Variants in ABCA2 observed in about 807,000 individuals in gnomAD.
ABCA2 encodes the protein ATP binding cassette subfamily A member 2, also known as ATP-binding cassette sub-family A member 2.
In ABCA2, 84 loss-of-function variants were observed where a neutral mutation model predicts 262.8. That is an observed-to-expected ratio of 0.32 (90% CI 0.27 to 0.38). The LOEUF is 0.38. Ranked by LOEUF, ABCA2 falls within the 10% of genes least tolerant of loss-of-function variation. ABCA2 has a pLI of 1.00. For synonymous variants in ABCA2, 1,696 were observed against 1,502.9 expected, an observed-to-expected ratio of 1.13 and a Z score of -2.97; for missense variants, 2,662 against 3,405.9, an observed-to-expected ratio of 0.78 and a Z score of 5.44.
intron 1 of ABCA2, among the ~76,000 whole-genome samples, chr9:137,024,797 CTT>C (rs869249419): frequency 1.2e-3 from 173 of 139,590 alleles, no homozygotes; most frequent in African/African-American, 4.1e-3. Flanking sequence ...GCAAAGGCAC[CTT>C]TTTTTTTTTT....
At position 137,018,272 on chromosome 9, in the gene ABCA2, G is replaced by C. The variant is rs756927825; in HGVS notation, c.1899C>G (p.Thr633=). 6.2e-7 allele frequency: 1 copy of C among 1,610,696 alleles called. No homozygotes were observed. Among genetic ancestry groups the C allele is most frequent in the East Asian group, 2.2e-5 (1 of 44,744 alleles). Residue 633 remains threonine (T), a synonymous_variant, in exon 14 of 49, where the codon ACC becomes ACG. Coordinates refer to ENST00000341511, the MANE Select transcript of ABCA2 (RefSeq NM_001606.5). ...CGCGGCGGATCTCGTTGGTTTTCTC[G>C]GTGAAGCTGGAGTTCTGGCGGATCT... ...HYKIRQNSSF[T]EKTNEIRRAY...
rs768971644 is a variant in ABCA2 at position 137,009,835 on chromosome 9, G to A, written c.6564C>T (p.Ser2188=). 1.7e-5 allele frequency: 27 copies of A among 1,612,294 alleles called. No individual in the cohort carries two copies. Among genetic ancestry groups the A allele is most frequent in the Middle Eastern group, 1.6e-4 (1 of 6,076 alleles). ...KYADKPAGTY[S]GGNKRKLSTA... ...TGGAGAGCTTCCGCTTGTTGCCGCCGCTGTAGGTGCCAGCCGGCTTGTCTG... is the reference window on the plus strand; with the variant it reads ...TGGAGAGCTTCCGCTTGTTGCCGCCACTGTAGGTGCCAGCCGGCTTGTCTG... The change falls in exon 43 of 49, where the codon AGC becomes AGT. Residue 2188 remains serine (S), a synonymous_variant. Coordinates refer to ENST00000341511, the MANE Select transcript of ABCA2 (RefSeq NM_001606.5).
rs1165669857 is a variant in ABCA2 at position 137,009,024 on chromosome 9, C to G, written c.6857G>C (p.Arg2286Pro). 1.2e-6 allele frequency: 2 copies of G among 1,608,734 alleles called. No homozygotes were observed. Among genetic ancestry groups the G allele is most frequent in the Non-Finnish European group, 1.7e-6 (2 of 1,179,766 alleles). Residue 2286 changes from arginine to proline, a missense_variant, in exon 46 of 49, where the codon CGG becomes CCG. By Grantham distance (103) the Arg-to-Pro change is moderately radical. Transcript: ENST00000341511. ...CTTCACACTCTGGCTGCTCTTGGTC[C>G]GCACCGTGATCATGTAGCCATCTCC... ...RFGDGYMITV[R>P]TKSSQSVKDV...
rs1383292030 is a variant in ABCA2 at position 137,021,131 on chromosome 9, GAGCAGGGAGACAGC to G, written c.898-84_898-71del. 4.4e-5 allele frequency: 63 copies of G among 1,439,010 alleles called. No homozygotes were observed. In the East Asian group the frequency reaches 8.0e-4, roughly 18 times the overall value. The allele number at this position is 1,439,010 out of a possible 1,614,324, so 89.1% of individuals were successfully genotyped here. ...GCAGGTGGGTGATAGGTCAGGAGTGGAGCAGGGAGACAGCAGCAGGGAGACACAAGCTAGGGGTG... is the reference window on the plus strand; with the variant it reads ...GCAGGTGGGTGATAGGTCAGGAGTGGAGCAGGGAGACACAAGCTAGGGGTG... On this transcript the variant is annotated intron_variant, in intron 8 of 48. Transcript: ENST00000341511. This position sits in a 1 kb window ranked among gnomAD's most constrained non-coding sequence, Gnocchi z 6.0.
rs1284235782 is a variant in ABCA2, at chr9:137,014,197, G to A, written c.4211C>T (p.Pro1404Leu). 1.2e-6 allele frequency: 2 copies of A among 1,609,028 alleles called. No individual in the cohort carries two copies. Among genetic ancestry groups the A allele is most frequent in the Non-Finnish European group, 1.7e-6 (2 of 1,178,224 alleles). The change falls in exon 27 of 49, where the codon CCA becomes CTA. Residue 1404 changes from proline to leucine, a missense_variant. Transcript: ENST00000341511. ...CAGGCTGACATTGTCTGGGTCCTGT[G>A]GGTTATCAAAGAGGGGGCGGTAGTC... ...YGDYRPLFDN[P>L]QDPDNVSLQE...
intron 13 of ABCA2, among the ~76,000 whole-genome samples, 171 bp downstream of exon 13, chr9:137,018,548 T>C (rs1295819032): frequency 1.8e-5 from 1 of 54,338 alleles, no homozygotes; most frequent in Non-Finnish European, 3.6e-5. Flanking sequence ...AGGGGGCGGG[T>C]TGTGGGTTGG....
In ABCA2 at chr9:137,020,787, G is replaced by A; in HGVS notation, c.1172C>T (p.Ala391Val). The A allele has an allele frequency of 1.3e-6, 2 of 1,590,138 alleles. No homozygotes were observed. Among genetic ancestry groups the A allele is most frequent in the Non-Finnish European group, 1.7e-6 (2 of 1,170,144 alleles). ...CAGCGTGTCCGGGGTGGCCAGTGCT[G>A]CAGCAGAGGGTGCGCCCTCCTCAGC... is the stretch of plus-strand genomic sequence containing the variant. ...ATAEEGAPSA[A>V]ALATPDTLQG... Residue 391 changes from alanine to valine, a missense_variant, in exon 9 of 49, where the codon GCA (alanine) becomes GTA (valine). Physicochemically the swap from Ala to Val is moderately conservative, Grantham distance 64 (BLOSUM62 0). Coordinates refer to ENST00000341511, the MANE Select transcript of ABCA2 (RefSeq NM_001606.5).
chr9:137,014,819 G>A lies in ABCA2; in HGVS notation c.3883-9C>T, dbSNP rs773232655. On this transcript the variant is annotated splice_polypyrimidine_tract_variant and intron_variant, in intron 25 of 48. Transcript: ENST00000341511. Reference sequence around the variant, plus strand: ...AGGCTGCGCTCCAGGTGCTGCAGGGGCGGTGGAGGGGGAGGCTGCGGCAGG... The same window carrying A: ...AGGCTGCGCTCCAGGTGCTGCAGGGACGGTGGAGGGGGAGGCTGCGGCAGG... 5.6e-6 allele frequency: 9 copies of A among 1,597,354 alleles called. No homozygotes were observed. Among genetic ancestry groups the A allele is most frequent in the Non-Finnish European group, 6.8e-6 (8 of 1,172,914 alleles).
chr9:137,008,139 G>A (rs867083591), intron 48 of ABCA2, 175 bp from the exon 49 acceptor site: 11 of 874,896 alleles, frequency 1.3e-5, no homozygotes, highest in Middle Eastern at 2.6e-4. Flanking sequence ...CGAGTCTGGG[G>A]GCCACTGAGT....
intron 17 of ABCA2, 71 bp downstream of exon 17, chr9:137,017,431 T>C: frequency 6.3e-7 from 1 of 1,598,848 alleles, no homozygotes; most frequent in Non-Finnish European, 8.5e-7. Context: ...CAGGGGGCTC[T>C]GAGAGGATGT....
chr9:137,014,572 C>T, intron 26 of ABCA2, 118 bp downstream of exon 26: 2 of 1,492,060 alleles, frequency 1.3e-6, no homozygotes, highest in South Asian at 1.3e-5. Flanking sequence ...CGGGGCGTCC[C>T]CTGGCTTCCA....
rs546263526 is a variant in ABCA2, at chr9:137,016,808, G to A, written c.2759-70C>T. ...TGACCATCCACCACGTGGGCCACGT[G>A]CCCACCCAGGGAGCCACCCGTGCTG... On this transcript the variant is annotated intron_variant, in intron 19 of 48. Coordinates refer to ENST00000341511, the MANE Select transcript of ABCA2 (RefSeq NM_001606.5). 8.2e-5 allele frequency: 127 copies of A among 1,542,078 alleles called. No individual in the cohort carries two copies. In the Admixed American group the frequency reaches 1.2e-3, roughly 15 times the overall value.
At position 137,019,917 on chromosome 9, in the gene ABCA2, G is replaced by T; in HGVS notation, c.1425+419C>A. 1 of 225,120 alleles carries T rather than the reference G, an allele frequency of 4.4e-6. No individual in the cohort carries two copies. Among genetic ancestry groups the T allele is most frequent in the Non-Finnish European group, 9.0e-6 (1 of 111,362 alleles). 13.9% of individuals were successfully genotyped at this position (225,120 alleles called of 1,614,324 possible). On this transcript the variant is annotated intron_variant, in intron 10 of 48. Transcript: ENST00000341511. This position sits in a 1 kb window ranked among gnomAD's most constrained non-coding sequence, Gnocchi z 4.4. ...ATCCTAGGGACCCCCTCTACACCCA[G>T]GATTGGCCTCGTCCACAGGCCCTCC...
intron 3 of ABCA2, 120 bp downstream of exon 3, chr9:137,023,718 C>T (rs1831556946): frequency 1.4e-6 from 1 of 704,248 alleles, no homozygotes; most frequent in Non-Finnish European, 2.6e-6. Context: ...GTTCCTGAGG[C>T]CGGCAGGGGG....
rs764023370 is a variant in ABCA2 at position 137,018,360 on chromosome 9, G to C, written c.1820-9C>G. ...GGTCTGGAAGATCACACCTGGGGCC[G>C]GGAGGTTGGGGCGGGGCCAAGATGC... On this transcript the variant is annotated splice_polypyrimidine_tract_variant and intron_variant, in intron 13 of 48. Transcript: ENST00000341511. 1 of 1,589,130 alleles carries C rather than the reference G, an allele frequency of 6.3e-7. No homozygotes were observed. The highest frequency in any genetic ancestry group is 1.5e-5 in the African/African-American group (1 of 68,670).
Position 137,021,771 on chromosome 9 carries a change from C to A in ABCA2, c.678+120G>T. On this transcript the variant is annotated intron_variant, in intron 7 of 48. Transcript: ENST00000341511. The surrounding 1 kb of genome is among the most constrained non-coding windows in gnomAD (Gnocchi z 6.0). The stretch of plus-strand genomic sequence containing the variant: ...ATGCCTGCCATAGACCCCTGGGACC[C>A]TCCCCCTCTCCCAGGAGGAGCTCCA... 1 of 1,243,602 alleles carries A rather than the reference C, an allele frequency of 8.0e-7. No homozygotes were observed. Among genetic ancestry groups the A allele is most frequent in the Non-Finnish European group, 1.1e-6 (1 of 880,860 alleles). The allele number at this position is 1,243,602 out of a possible 1,614,324, so 77.0% of individuals were successfully genotyped here.
chr9:137,025,958 C>T (rs948491757), intron 1 of ABCA2, among the ~76,000 whole-genome samples: 4 of 152,176 alleles, frequency 2.6e-5, no homozygotes, highest in African/African-American at 7.2e-5. Flanking sequence ...CTCCGTCCCT[C>T]GAGACCAGCC....
chr9:137,012,882 C>T lies in ABCA2; in HGVS notation c.4911G>A (p.Glu1637=), dbSNP rs753377335. 1 of 1,579,772 alleles carries T rather than the reference C, an allele frequency of 6.3e-7. No individual in the cohort carries two copies. Among genetic ancestry groups the T allele is most frequent in the Non-Finnish European group, 8.6e-7 (1 of 1,161,040 alleles). ...SAPSLPRLVR[E]PVRCTCSAQG... ...GCGCAGAGCAGGTGCAGCGGACGGGCTCCCGTACCAGGCGCGGCAGGGAGG... is the reference window on the plus strand; with the variant it reads ...GCGCAGAGCAGGTGCAGCGGACGGGTTCCCGTACCAGGCGCGGCAGGGAGG... The change falls in exon 31 of 49, where the codon GAG becomes GAA. Residue 1637 remains glutamate, a synonymous_variant. Coordinates refer to ENST00000341511, the MANE Select transcript of ABCA2 (RefSeq NM_001606.5).
Position 137,022,441 on chromosome 9 carries a change from C to G in ABCA2, c.477G>C (p.Pro159=), listed in dbSNP as rs200669521. 3 of 1,611,764 alleles carry G rather than the reference C, an allele frequency of 1.9e-6. No individual in the cohort carries two copies. The highest frequency in any genetic ancestry group is 1.3e-5 in the African/African-American group (1 of 74,896). Residue 159 remains proline (P), a synonymous_variant, in exon 6 of 49, where the codon CCG becomes CCC. Transcript: ENST00000341511. Reference sequence around the variant, plus strand: ...GCGTCAGGAAACGCCAGAGCTCCTGCGGGTTTCTGGCCACCGAGTCCAGAG... The same window carrying G: ...GCGTCAGGAAACGCCAGAGCTCCTGGGGGTTTCTGGCCACCGAGTCCAGAG... ...SFSLDSVARN[P]QELWRFLTQN...
Sources: gnomAD v4.1 joint callset for allele counts (sites outside exome capture counted in the v4.1 genomes callset) on GRCh38, gnomAD v4.1.1 for gene constraint, Gnocchi (gnomAD v3.1) non-coding constraint, MANE v1.5 for transcripts, NCBI Gene and HGNC (gene_info 2026-07-23, HGNC 2026-07-21) for gene names.